The following CERK variants were observed in gnomAD, a reference collection of about 807,000 sequenced individuals.
CERK encodes ceramide kinase, also known as acylsphingosine kinase.
Under a neutral mutation model 63.4 loss-of-function variants are expected in CERK, and 39 were observed. The observed-to-expected ratio is 0.61, with a 90% confidence interval of 0.48 to 0.80. CERK has a LOEUF of 0.80. CERK is among the 30% of genes least tolerant of loss of function. CERK has a pLI of 0.00. For synonymous variants in CERK, 302 were observed against 280.0 expected (o/e 1.08, Z -0.78); for missense variants, 670 against 714.1 (o/e 0.94, Z 0.70).
Position 46,711,085 on chromosome 22 carries a change from C to T in CERK, c.569+1G>A, listed in dbSNP as rs372401598. On this transcript the variant is annotated splice_donor_variant, in intron 5 of 12. Coordinates refer to ENST00000216264, the MANE Select transcript of CERK (RefSeq NM_022766.6). LOFTEE classifies it high-confidence loss of function. ...ATGGCGATGAAAGACGGCTTACTCACCCGTCGTATTTGTCTATGTTAATCT... is the reference window on the plus strand; with the variant it reads ...ATGGCGATGAAAGACGGCTTACTCATCCGTCGTATTTGTCTATGTTAATCT... 6.2e-7 allele frequency: 1 copy of T among 1,610,886 alleles called. No individual in the cohort carries two copies. Among genetic ancestry groups the T allele is most frequent in the Non-Finnish European group, 8.5e-7 (1 of 1,177,416 alleles).
rs567967193 is a variant in CERK at position 46,717,853 on chromosome 22, G to A, written c.379+2233C>T. On this transcript the variant is annotated intron_variant, in intron 3 of 12. Transcript: ENST00000216264. ...CCCAGCACTTTGGGAGGCCGAGGTAGGCGGATCACTTGAGGTCAGGAGTTC... is the reference window on the plus strand; with the variant it reads ...CCCAGCACTTTGGGAGGCCGAGGTAAGCGGATCACTTGAGGTCAGGAGTTC... 2.0e-5 allele frequency among the ~76,000 whole-genome samples: 3 copies of A among 152,348 alleles called. No individual in the cohort carries two copies. The East Asian group carries it at 5.8e-4, about 29-fold the overall frequency.
chr22:46,731,963 G>T (rs528643198), intron 1 of CERK, among the ~76,000 whole-genome samples: 3 of 152,316 alleles, frequency 2.0e-5, no homozygotes, highest in African/African-American at 7.2e-5. Context: ...CCGCCGGGGT[G>T]CTCCCTAAAG....
intron 9 of CERK, among the ~76,000 whole-genome samples, chr22:46,694,069 C>T (rs921832791): frequency 7.2e-5 from 11 of 152,154 alleles, no homozygotes; most frequent in African/African-American, 2.7e-4. Flanking sequence ...CTGACGCAAA[C>T]AGCATCTGCC....
At chr22:46,688,159 G>T (rs1056329382) in intron 12 of CERK, among the ~76,000 whole-genome samples, 1 of 152,106 alleles carries the variant, frequency 6.6e-6, no homozygotes, top group African/African-American at 2.4e-5. Context: ...TTGCACTCCA[G>T]CCTGGGCAAC....
chr22:46,701,685 G>T lies in CERK; in HGVS notation c.741C>A (p.Ser247=). ...PAGSTDCVCY[S]TVGTSDAETS... is the part of the protein sequence containing the mutation. ...TTTCTGCGTCGCTGGTGCCCACGGT[G>T]GAGTAACACACGCAGTCCGTTGACC... The change falls in exon 7 of 13, where the codon TCC becomes TCA. Residue 247 remains serine, a synonymous_variant. Coordinates refer to ENST00000216264, the MANE Select transcript of CERK (RefSeq NM_022766.6). The T allele has an allele frequency of 6.4e-7, 1 of 1,558,640 alleles. No individual in the cohort carries two copies. The highest frequency in any genetic ancestry group is 1.9e-5 in the Admixed American group (1 of 52,170).
chr22:46,723,097 G>A (rs1029691278), intron 1 of CERK, among the ~76,000 whole-genome samples: 5 of 152,190 alleles, frequency 3.3e-5, no homozygotes, highest in African/African-American at 7.2e-5. Context: ...GACCAAGGAC[G>A]CCCTGGGGTG....
At position 46,720,106 on chromosome 22, in the gene CERK, C is replaced by T. The variant is rs766070550; in HGVS notation, c.359G>A (p.Arg120Gln). The change falls in exon 3 of 13, where the codon CGG (arginine) becomes CAG (glutamine). Residue 120 changes from arginine to glutamine, a missense_variant. Physicochemically the swap from Arg to Gln is conservative, Grantham distance 43. Transcript: ENST00000216264. ...QLCHLWLQTL[R>Q]EMLEKLTSRP... ...CGTACTCAGCTTCTCCAGCATCTCC[C>T]GCAGGGTCTGCAGCCACAAGTGACA... is the stretch of plus-strand genomic sequence containing the variant. The T allele has an allele frequency of 2.4e-5, 38 of 1,613,816 alleles. No homozygotes were observed. Among genetic ancestry groups the T allele is most frequent in the South Asian group, 4.4e-5 (4 of 91,070 alleles).
At chr22:46,705,897 T>G (rs1018426832) in intron 6 of CERK, among the ~76,000 whole-genome samples, 5 of 150,442 alleles carry the variant, frequency 3.3e-5, no homozygotes, top group Non-Finnish European at 5.9e-5. Context: ...GTTGGCCGAG[T>G]GTGGTGGTGC....
rs149516557 is a variant in CERK, at chr22:46,711,074, C to T, written c.569+12G>A. On this transcript the variant is annotated intron_variant, in intron 5 of 12. Coordinates refer to ENST00000216264, the MANE Select transcript of CERK (RefSeq NM_022766.6). ...CAATGGACTTGATGGCGATGAAAGA[C>T]GGCTTACTCACCCGTCGTATTTGTC... 26 of 1,608,008 alleles carry T rather than the reference C, an allele frequency of 1.6e-5. No homozygotes were observed. The highest frequency in any genetic ancestry group is 1.3e-4 in the South Asian group (12 of 90,772).
intron 12 of CERK, 44 bp downstream of exon 12, chr22:46,689,948 G>A: frequency 6.7e-7 from 1 of 1,494,432 alleles, no homozygotes. Context: ...ACACCTCAGG[G>A]CTCAAGGGGA....
chr22:46,708,310 T>C (rs1289466697), intron 5 of CERK, among the ~76,000 whole-genome samples: 1 of 152,216 alleles, frequency 6.6e-6, no homozygotes, highest in South Asian at 2.1e-4. Flanking sequence ...GACTCAAGTT[T>C]GCGGGGCGGG....
At chr22:46,721,325 C>T (rs1003367029) in intron 1 of CERK, among the ~76,000 whole-genome samples, 27 of 152,138 alleles carry the variant, frequency 1.8e-4, no homozygotes, top group African/African-American at 6.0e-4. Context: ...CAGAGTCTCA[C>T]GCTGTCGCCC....
Position 46,686,590 on chromosome 22 carries a change from C to G in CERK, c.*544G>C, listed in dbSNP as rs1264563209. ...CTCCCGCGGATCACCTGAAGCAGGG[C>G]CACGTTGCATTGCAGTTGCACAGTA... On this transcript the variant is annotated 3_prime_UTR_variant, in exon 13 of 13. Coordinates refer to ENST00000216264, the MANE Select transcript of CERK (RefSeq NM_022766.6). 6.5e-6 allele frequency: 1 copy of G among 153,088 alleles called. No individual in the cohort carries two copies. Among genetic ancestry groups the G allele is most frequent in the African/African-American group, 2.4e-5 (1 of 41,460 alleles). The allele number at this position is 153,088 out of a possible 1,614,324, so 9.5% of individuals were successfully genotyped here.
chr22:46,706,515 C>T (rs1465980002), intron 6 of CERK, among the ~76,000 whole-genome samples: 1 of 152,096 alleles, frequency 6.6e-6, no homozygotes, highest in Non-Finnish European at 1.5e-5. Flanking sequence ...CCATTTCTCC[C>T]CTTAGTGTCT....
rs980726524 is a variant in CERK, at chr22:46,687,290, A to C, written c.1542-84T>G. 17 of 558,008 alleles carry C rather than the reference A, an allele frequency of 3.0e-5. No individual in the cohort carries two copies. The East Asian group carries it at 5.4e-4, about 18-fold the overall frequency. 34.6% of individuals were successfully genotyped at this position (558,008 alleles called of 1,614,324 possible). On this transcript the variant is annotated intron_variant, in intron 12 of 12. Coordinates refer to ENST00000216264, the MANE Select transcript of CERK (RefSeq NM_022766.6). The stretch of plus-strand genomic sequence containing the variant: ...AGCCCCACTCCTGGACAGGGGCTGC[A>C]GTAAACCCCACGTGTCCCTCACTCA...
intron 1 of CERK, among the ~76,000 whole-genome samples, chr22:46,724,317 A>G (rs1023077071): frequency 1.3e-5 from 2 of 152,226 alleles, no homozygotes; most frequent in Non-Finnish European, 2.9e-5. Context: ...GGCTATTTAC[A>G]TTATCGCAAG....
chr22:46,719,726 G>A (rs2082882734), intron 3 of CERK, among the ~76,000 whole-genome samples: 1 of 152,206 alleles, frequency 6.6e-6, no homozygotes, highest in South Asian at 2.1e-4. Flanking sequence ...AGACAGATGT[G>A]AGGTGTATTC....
At chr22:46,693,745 C>A in intron 9 of CERK, 1 of 445,334 alleles carries the variant, frequency 2.2e-6, no homozygotes. Flanking sequence ...AGCATGAGGA[C>A]GCTGAGGTGC....
intron 3 of CERK, among the ~76,000 whole-genome samples, chr22:46,719,627 G>A (rs554726687): frequency 4.5e-4 from 69 of 152,240 alleles, no homozygotes; most frequent in African/African-American, 7.2e-4. Context: ...AGCTGAGATC[G>A]CGCCACTGAA....
Sources: allele counts gnomAD v4.1 joint callset (sites outside exome capture counted in the v4.1 genomes callset), GRCh38; gene constraint gnomAD v4.1.1; transcripts MANE v1.5; gene names NCBI Gene and HGNC (gene_info 2026-07-23, HGNC 2026-07-21).